The following ADGB variants were observed in gnomAD, a reference collection of about 807,000 sequenced individuals.
ADGB encodes the protein androglobin.
A neutral mutation model predicts 210.5 loss-of-function variants in ADGB; 172 were observed. That is an observed-to-expected ratio of 0.82 (90% CI 0.72 to 0.93). The LOEUF (loss-of-function observed/expected upper bound fraction) is 0.93, where lower values mean the gene tolerates loss of function less well. ADGB is among the 40% of genes least tolerant of loss of function. The pLI, the probability that ADGB is intolerant of heterozygous loss-of-function variation, is 0.00. For synonymous variants in ADGB, 658 were observed against 662.7 expected, an observed-to-expected ratio of 0.99 and a Z score of 0.11; for missense variants, 2,025 against 1,964.8, an observed-to-expected ratio of 1.03 and a Z score of -0.58.
chr6:146,696,131 A>G lies in ADGB; in HGVS notation c.1577+3216A>G, dbSNP rs375442088. Among the ~76,000 whole-genome samples the G allele has an allele frequency of 1.4e-4, 21 of 150,640 alleles. No individual in the cohort carries two copies. In the East Asian group the frequency reaches 2.1e-3, roughly 15 times the overall value. On this transcript the variant is annotated intron_variant, in intron 12 of 35. Transcript: ENST00000397944. ...TGCTCTGCTGCCCAGGCTAGAGTGC[A>G]GTGGAGCAATCTTGGCTCACTGCAA...
At chr6:146,610,607 G>A (rs1780693133) in intron 1 of ADGB, among the ~76,000 whole-genome samples, 1 of 152,126 alleles carries the variant, frequency 6.6e-6, no homozygotes. Context: ...ATTTCAGGGG[G>A]ACATGGCTAA....
At chr6:146,704,379 C>G (rs564260502) in intron 13 of ADGB, among the ~76,000 whole-genome samples, 1 of 151,962 alleles carries the variant, frequency 6.6e-6, no homozygotes, top group African/African-American at 2.4e-5. Context: ...AACTTGTTGC[C>G]CAGGCCAAGT....
At chr6:146,690,823 C>G (rs1583591481) in intron 10 of ADGB, among the ~76,000 whole-genome samples, 1 of 152,140 alleles carries the variant, frequency 6.6e-6, no homozygotes, top group African/African-American at 2.4e-5. Context: ...TTTGGACTAA[C>G]TGGTGTGCTA....
At chr6:146,666,378 T>C (rs138597030) in intron 6 of ADGB, among the ~76,000 whole-genome samples, 1 of 152,054 alleles carries the variant, frequency 6.6e-6, no homozygotes, top group African/African-American at 2.4e-5. Context: ...GGATTTCTGA[T>C]GCCCATCTTG....
chr6:146,648,675 C>T (rs973981472), intron 3 of ADGB, among the ~76,000 whole-genome samples: 56 of 152,074 alleles, frequency 3.7e-4, no homozygotes, highest in African/African-American at 1.2e-3. Context: ...ACTGCTCCCC[C>T]GACGTTTGGA....
intron 27 of ADGB, among the ~76,000 whole-genome samples, chr6:146,761,118 T>TA (rs1212707431): frequency 1.3e-5 from 2 of 151,964 alleles, no homozygotes; most frequent in African/African-American, 2.4e-5. Context: ...TTGGAGTTGT[T>TA]AAAAAAATTA....
intron 3 of ADGB, among the ~76,000 whole-genome samples, chr6:146,647,107 A>G (rs1355557232): frequency 1.3e-5 from 2 of 149,956 alleles, no homozygotes; most frequent in Non-Finnish European, 3.0e-5. Context: ...ACAAAAAACA[A>G]AAAACAAAAA....
Position 146,691,121 on chromosome 6 carries a change from T to A in ADGB, c.1317T>A (p.Asp439Glu). Residue 439 changes from aspartate (D) to glutamate (E), a missense_variant, in exon 11 of 36, where the codon GAT becomes GAA. Transcript: ENST00000397944. ...ATTTACTTTCCATCTTCTAGGCAGA[T>A]TCTGCTGAGAAACTTAGAGAATATG... The part of the protein sequence containing the change: ...NKIFSLEKMA[D>E]SAEKLREYGL... The A allele has an allele frequency of 6.6e-7, 1 of 1,520,210 alleles. No homozygotes were observed. The highest frequency in any genetic ancestry group is 8.8e-7 in the Non-Finnish European group (1 of 1,134,292). 94.2% of individuals were successfully genotyped at this position (1,520,210 alleles called of 1,614,324 possible). A position where few individuals can be genotyped will look rare whatever the true frequency, so the allele number is the denominator to read the frequency against.
chr6:146,765,626 TTA>T (rs1394296382), intron 28 of ADGB, among the ~76,000 whole-genome samples: 1 of 150,944 alleles, frequency 6.6e-6, no homozygotes, highest in Non-Finnish European at 1.5e-5. Flanking sequence ...AAATAATTCT[TTA>T]GTTTAAAAGA....
chr6:146,765,963 G>A (rs186064201), intron 28 of ADGB, among the ~76,000 whole-genome samples: 2 of 152,034 alleles, frequency 1.3e-5, no homozygotes, highest in Non-Finnish European at 2.9e-5. Context: ...TAAAATACAC[G>A]TACTTCTAGT....
chr6:146,616,543 AG>A (rs1447789101), intron 1 of ADGB, among the ~76,000 whole-genome samples: 1 of 151,952 alleles, frequency 6.6e-6, no homozygotes, highest in Non-Finnish European at 1.5e-5. Context: ...TGTTTTTTCT[AG>A]TAGTTTTGTA....
intron 10 of ADGB, among the ~76,000 whole-genome samples, chr6:146,686,528 A>G (rs1562274191): frequency 5.3e-5 from 8 of 152,092 alleles, no homozygotes. Context: ...TTCACAAGAT[A>G]TTGTTAACAT....
rs7746479 is a variant in ADGB, at chr6:146,812,276, G to A, written c.4819-2756G>A. On this transcript the variant is annotated intron_variant, in intron 35 of 35. Transcript: ENST00000397944. ...CTAAAGGAACTCTCCCAGCTTTATG[G>A]ATGGAGGACGACCCACAATGAGAGA... Among the ~76,000 whole-genome samples, 523 of 152,346 alleles carry A rather than the reference G, an allele frequency of 3.4e-3. 3 individuals carry two copies. Among genetic ancestry groups the A allele is most frequent in the African/African-American group, 0.012 (499 of 41,580 alleles).
At chr6:146,695,150 T>C (rs1030693205) in intron 12 of ADGB, among the ~76,000 whole-genome samples, 1 of 152,194 alleles carries the variant, frequency 6.6e-6, no homozygotes, top group Non-Finnish European at 1.5e-5. Context: ...TTCAATGACC[T>C]GAGACTACTG....
intron 1 of ADGB, among the ~76,000 whole-genome samples, chr6:146,623,096 T>C (rs1029835800): frequency 6.6e-6 from 1 of 152,042 alleles, no homozygotes; most frequent in Non-Finnish European, 1.5e-5. Context: ...GGTGTTAATA[T>C]GAGACTTGAA....
intron 13 of ADGB, among the ~76,000 whole-genome samples, chr6:146,704,605 A>T (rs1350928770): frequency 1.3e-5 from 2 of 151,914 alleles, no homozygotes; most frequent in African/African-American, 4.8e-5. Context: ...CGACCATAAT[A>T]GTTTGAATTT....
At chr6:146,670,235 G>A (rs566860124) in intron 7 of ADGB, among the ~76,000 whole-genome samples, 91 of 151,776 alleles carry the variant, frequency 6.0e-4, no homozygotes, top group Non-Finnish European at 6.9e-4. Flanking sequence ...CGTTTTCCTC[G>A]CTTAAAACCT....
intron 29 of ADGB, among the ~76,000 whole-genome samples, chr6:146,772,423 TTA>T (rs146190439): frequency 6.9e-6 from 1 of 145,384 alleles, no homozygotes. Context: ...ATTATATTTA[TTA>T]TATATATATA....
intron 1 of ADGB, among the ~76,000 whole-genome samples, chr6:146,627,479 G>A (rs745953665): frequency 3.3e-5 from 5 of 151,994 alleles, no homozygotes; most frequent in Admixed American, 1.3e-4. Flanking sequence ...GATTTGTTAC[G>A]TGGAACCAGA....
Sources: allele counts gnomAD v4.1 joint callset (sites outside exome capture counted in the v4.1 genomes callset), GRCh38; gene constraint gnomAD v4.1.1; transcripts MANE v1.5; gene names NCBI Gene and HGNC (gene_info 2026-07-23, HGNC 2026-07-21).